Variants in PDGFD observed in about 807,000 individuals in gnomAD.
The protein encoded by PDGFD is platelet derived growth factor D.
In PDGFD, 30 loss-of-function variants were observed where a neutral mutation model predicts 44.7. The ratio of observed to expected loss-of-function variants is 0.67; its 90% CI spans 0.50 to 0.91. The LOEUF is 0.91. Ranked by LOEUF, PDGFD falls within the 40% of genes least tolerant of loss-of-function variation. The pLI, the probability that PDGFD is intolerant of heterozygous loss-of-function variation, is 0.00. For synonymous variants in PDGFD, 173 were observed against 168.4 expected (o/e 1.03, Z -0.21); for missense variants, 445 against 457.8 (o/e 0.97, Z 0.25).
intron 1 of PDGFD, among the ~76,000 whole-genome samples, chr11:104,148,779 G>T (rs1178999479): frequency 6.6e-6 from 1 of 151,844 alleles, no homozygotes; most frequent in East Asian, 1.9e-4. Flanking sequence ...AGTGTGTGTT[G>T]TTCCCCAATA....
chr11:103,974,747 T>C (rs549663465), intron 3 of PDGFD, among the ~76,000 whole-genome samples: 115 of 152,220 alleles, frequency 7.6e-4, no homozygotes, highest in Middle Eastern at 3.4e-3. Context: ...CATGCGGTGT[T>C]TGGTTTTCTG....
At chr11:104,084,182 T>C (rs1023148642) in intron 1 of PDGFD, among the ~76,000 whole-genome samples, 2 of 152,184 alleles carry the variant, frequency 1.3e-5, no homozygotes, top group African/African-American at 4.8e-5. Context: ...CCTGCACTTA[T>C]GGAACTCCCA....
Position 104,119,526 on chromosome 11 carries a change from TTG to T in PDGFD, c.124+44276_124+44277del, listed in dbSNP as rs1861726045. 8.2e-5 allele frequency among the ~76,000 whole-genome samples: 2 copies of T among 24,286 alleles called. 1 individual carries two copies. The highest frequency in any genetic ancestry group is 2.4e-4 in the African/African-American group (2 of 8,344). 15.9% of individuals were successfully genotyped at this position (24,286 alleles called of 152,430 possible). A position where few individuals can be genotyped will look rare whatever the true frequency, so the allele number is the denominator to read the frequency against. ...ATATATAATATATTAATATAATATATTGATATAATATATAATATAATATATTG... is the reference window on the plus strand; with the variant it reads ...ATATATAATATATTAATATAATATATATATAATATATAATATAATATATTG... On this transcript the variant is annotated intron_variant, in intron 1 of 6. Transcript: ENST00000393158.
intron 1 of PDGFD, among the ~76,000 whole-genome samples, chr11:104,150,881 G>A (rs1230801802): frequency 6.6e-6 from 1 of 152,120 alleles, no homozygotes; most frequent in Non-Finnish European, 1.5e-5. Context: ...AAAGTCTCTT[G>A]CATATAAAGT....
At chr11:104,112,129 A>C (rs1861567283) in intron 1 of PDGFD, among the ~76,000 whole-genome samples, 1 of 152,204 alleles carries the variant, frequency 6.6e-6, no homozygotes, top group African/African-American at 2.4e-5. Context: ...TTAATTAAAG[A>C]AAATGTATGC....
rs151056453 is a variant in PDGFD at position 104,005,628 on chromosome 11, A to G, written c.125-5373T>C. ...GGAGCAACTATTGCCAGGTACTCCA[A>G]TAAGTGGTTTAAAGCCATTACTTCA... is the stretch of plus-strand genomic sequence containing the variant. On this transcript the variant is annotated intron_variant, in intron 1 of 6. Transcript: ENST00000393158. Among the ~76,000 whole-genome samples, 502 of 152,360 alleles carry G rather than the reference A, an allele frequency of 3.3e-3. 2 individuals carry two copies. Among genetic ancestry groups the G allele is most frequent in the African/African-American group, 0.012 (479 of 41,590 alleles).
At chr11:104,093,248 G>T (rs1430382890) in intron 1 of PDGFD, among the ~76,000 whole-genome samples, 2 of 152,030 alleles carry the variant, frequency 1.3e-5, no homozygotes, top group East Asian at 3.9e-4. Context: ...AAGTGATGGG[G>T]GGAGGTGATG....
intron 1 of PDGFD, among the ~76,000 whole-genome samples, chr11:104,069,367 G>A (rs1406405674): frequency 6.6e-6 from 1 of 152,072 alleles, no homozygotes; most frequent in Admixed American, 6.6e-5. Context: ...ACTCACAAAT[G>A]GCAAGGTTAT....
At position 104,037,206 on chromosome 11, in the gene PDGFD, G is replaced by A. The variant is rs770917624; in HGVS notation, c.125-36951C>T. The A allele has an allele frequency of 9.3e-6, 15 of 1,613,750 alleles. 1 individual carries two copies. In the South Asian group the frequency reaches 1.5e-4, roughly 17 times the overall value. ...CCGCTGCCCAGCGGTCACAGGGCTT[G>A]GCGTCAGGAGAGAAGGTGGCCGGCC... On this transcript the variant is annotated intron_variant, in intron 1 of 6. Coordinates refer to ENST00000393158, the MANE Select transcript of PDGFD (RefSeq NM_025208.5).
At chr11:103,945,908 C>A (rs1208744518) in intron 4 of PDGFD, 1 of 152,124 alleles carries the variant, frequency 6.6e-6, no homozygotes, top group Non-Finnish European at 1.5e-5. Flanking sequence ...TGATTTAGGG[C>A]AGTTGACAGA....
At chr11:103,956,322 TTG>T (rs958818658) in intron 3 of PDGFD, among the ~76,000 whole-genome samples, 3 of 151,764 alleles carry the variant, frequency 2.0e-5, no homozygotes, top group Non-Finnish European at 4.4e-5. Flanking sequence ...GTTTGGTTTT[TTG>T]TCTTTGCGAT....
rs1246032747 is a variant in PDGFD, at chr11:103,907,399, A to T, written c.*2295T>A. 1 of 152,210 alleles carries T rather than the reference A, an allele frequency of 6.6e-6. No individual in the cohort carries two copies. Among genetic ancestry groups the T allele is most frequent in the African/African-American group, 2.4e-5 (1 of 41,456 alleles). The allele number at this position is 152,210 out of a possible 1,614,324, so 9.4% of individuals were successfully genotyped here. A position where few individuals can be genotyped will look rare whatever the true frequency, so the allele number is the denominator to read the frequency against. On this transcript the variant is annotated 3_prime_UTR_variant, in exon 7 of 7. Coordinates refer to ENST00000393158, the MANE Select transcript of PDGFD (RefSeq NM_025208.5). ...AGCCATGCGGAAATGTGGATTTATT[A>T]GGGTTTGTTTTGAAATGTAATTTGT... is the stretch of plus-strand genomic sequence containing the variant.
In PDGFD at chr11:104,142,853, T is replaced by A. The variant is rs369080105; in HGVS notation, c.124+20951A>T. 1.2e-4 allele frequency among the ~76,000 whole-genome samples: 18 copies of A among 152,314 alleles called. No homozygotes were observed. In the South Asian group the frequency reaches 2.9e-3, roughly 25 times the overall value. ...CCAGGGGCAATGATGTAGGCTGTGG[T>A]AGTGCATGTCCGCGAAGGTTTCAAA... On this transcript the variant is annotated intron_variant, in intron 1 of 6. Transcript: ENST00000393158.
chr11:103,958,749 C>G (rs891021348), intron 3 of PDGFD, among the ~76,000 whole-genome samples: 1 of 152,088 alleles, frequency 6.6e-6, no homozygotes, highest in Non-Finnish European at 1.5e-5. Flanking sequence ...TTTCTCTGTA[C>G]TTGACTGACG....
chr11:104,163,364 A>T (rs544775807), intron 1 of PDGFD, among the ~76,000 whole-genome samples: 1 of 152,274 alleles, frequency 6.6e-6, no homozygotes, highest in East Asian at 1.9e-4. Context: ...AAAAATAAAT[A>T]AATAAATAAA....
intron 3 of PDGFD, among the ~76,000 whole-genome samples, chr11:103,953,447 A>G (rs184407883): frequency 1.8e-3 from 271 of 152,314 alleles, no homozygotes; most frequent in South Asian, 5.4e-3. Flanking sequence ...AAATGTTGAT[A>G]TTGGTTAGCA....
At chr11:104,000,587 C>A (rs2134366646) in intron 1 of PDGFD, among the ~76,000 whole-genome samples, 1 of 149,954 alleles carries the variant, frequency 6.7e-6, no homozygotes, top group South Asian at 2.1e-4. Context: ...TTCTATTAAA[C>A]AAACAACACA....
intron 6 of PDGFD, among the ~76,000 whole-genome samples, chr11:103,921,669 C>A (rs1350280345): frequency 6.6e-6 from 1 of 151,140 alleles, no homozygotes; most frequent in Non-Finnish European, 1.5e-5. Flanking sequence ...ATTAATACAT[C>A]TCCTAACTCT....
chr11:103,971,923 T>C (rs1345107720), intron 3 of PDGFD, among the ~76,000 whole-genome samples: 1 of 152,222 alleles, frequency 6.6e-6, no homozygotes, highest in Non-Finnish European at 1.5e-5. Flanking sequence ...CAGTGAATCC[T>C]GAGGGAGGAT....
Sources: gnomAD v4.1 joint callset for allele counts (sites outside exome capture counted in the v4.1 genomes callset) on GRCh38, gnomAD v4.1.1 for gene constraint, MANE v1.5 for transcripts, NCBI Gene and HGNC (gene_info 2026-07-23, HGNC 2026-07-21) for gene names.